The following ECRG4 variants were observed in gnomAD, a reference collection of about 807,000 sequenced individuals.
ECRG4 encodes the protein augurin.
Under a neutral mutation model 15.8 loss-of-function variants are expected in ECRG4, and 18 were observed. The ratio of observed to expected loss-of-function variants is 1.14; its 90% CI spans 0.79 to 1.69. The LOEUF is 1.69. ECRG4 is among the 40% of genes most tolerant of loss of function. ECRG4 has a pLI of 0.00. For missense variants in ECRG4, 200 were observed against 190.9 expected, an observed-to-expected ratio of 1.05 and a Z score of -0.28; for synonymous variants, 82 against 73.9, an observed-to-expected ratio of 1.11 and a Z score of -0.56.
intron 1 of ECRG4, among the ~76,000 whole-genome samples, chr2:106,067,139 TA>T (rs1676244086): frequency 7.7e-6 from 1 of 129,156 alleles, no homozygotes; most frequent in South Asian, 2.5e-4. Context: ...CCGTCTCTAC[TA>T]AAAATGCCAG....
intron 3 of ECRG4, 79 bp downstream of exon 3, chr2:106,074,122 A>G (rs897481521): frequency 2.6e-6 from 4 of 1,546,394 alleles, no homozygotes; most frequent in East Asian, 4.5e-5. Flanking sequence ...GGGAAATAGG[A>G]AGCAGAAAAT....
intron 2 of ECRG4, 63 bp from the exon 3 acceptor site, chr2:106,073,823 T>G (rs1676422116): frequency 9.4e-6 from 15 of 1,589,648 alleles, no homozygotes; most frequent in Non-Finnish European, 1.0e-5. Flanking sequence ...TAACAGGGAT[T>G]CACCGCAAGT....
intron 3 of ECRG4, 151 bp from the exon 4 acceptor site, chr2:106,077,614 C>T (rs903956265): frequency 9.5e-5 from 64 of 675,016 alleles, no homozygotes; most frequent in Non-Finnish European, 1.4e-4. Context: ...GTTTTGGCCT[C>T]TGAGCACAAG....
intron 1 of ECRG4, among the ~76,000 whole-genome samples, chr2:106,068,849 T>A (rs576309004): frequency 6.6e-6 from 1 of 152,350 alleles, no homozygotes; most frequent in African/African-American, 2.4e-5. Context: ...AGTAGAGCGT[T>A]AAACAGTAGT....
chr2:106,076,233 G>T (rs557795475), intron 3 of ECRG4, among the ~76,000 whole-genome samples: 1 of 152,166 alleles, frequency 6.6e-6, no homozygotes, highest in East Asian at 1.9e-4. Context: ...CAGGAGAACC[G>T]CTTGAACCTG....
intron 1 of ECRG4, 82 bp downstream of exon 1, chr2:106,065,925 C>T: frequency 7.9e-7 from 1 of 1,261,008 alleles, no homozygotes. Flanking sequence ...CCGGGGAGAG[C>T]GATCGGTGAT....
chr2:106,070,632 T>C (rs190828180), intron 1 of ECRG4, among the ~76,000 whole-genome samples: 3 of 152,334 alleles, frequency 2.0e-5, no homozygotes, highest in East Asian at 1.9e-4. Context: ...ATTTATTTTT[T>C]CCCCCAGCTT....
chr2:106,068,068 C>A (rs1204862210), intron 1 of ECRG4, among the ~76,000 whole-genome samples: 1 of 151,588 alleles, frequency 6.6e-6, no homozygotes, highest in African/African-American at 2.4e-5. Context: ...TGGTCTCGAA[C>A]TCCTGGGCTC....
At chr2:106,070,255 C>A (rs1338267779) in intron 1 of ECRG4, among the ~76,000 whole-genome samples, 1 of 152,180 alleles carries the variant, frequency 6.6e-6, no homozygotes, top group Non-Finnish European at 1.5e-5. Context: ...GTGTGGCCAC[C>A]CTACCCGTGA....
rs1000176925 is a variant in ECRG4, at chr2:106,067,232, C to T, written c.79+1389C>T. 5.3e-5 allele frequency among the ~76,000 whole-genome samples: 8 copies of T among 151,792 alleles called. No homozygotes were observed. The East Asian group carries it at 5.9e-4, about 11-fold the overall frequency. On this transcript the variant is annotated intron_variant, in intron 1 of 3. Coordinates refer to ENST00000238044, the MANE Select transcript of ECRG4 (RefSeq NM_032411.3). ...GCTTGAATCTGGGAGGAGGAGATTG[C>T]GGCGAGCTGAGATCGTGCCATTGCA...
chr2:106,069,283 CTCTT>C (rs1489623745), intron 1 of ECRG4, among the ~76,000 whole-genome samples: 2 of 105,782 alleles, frequency 1.9e-5, no homozygotes, highest in East Asian at 2.4e-4. Context: ...CTTTCTTTTT[CTCTT>C]TCTTTCTTTC....
intron 1 of ECRG4, among the ~76,000 whole-genome samples, chr2:106,067,384 G>C (rs1676249557): frequency 6.6e-6 from 1 of 152,158 alleles, no homozygotes; most frequent in Admixed American, 6.5e-5. Context: ...TTTATTTTCA[G>C]GACTTGTATT....
rs1676194056 is a variant in ECRG4 at position 106,065,710 on chromosome 2, T to C, written c.-55T>C. The C allele has an allele frequency of 1.5e-6, 2 of 1,367,338 alleles. No homozygotes were observed. Among genetic ancestry groups the C allele is most frequent in the Non-Finnish European group, 1.9e-6 (2 of 1,038,830 alleles). The allele number at this position is 1,367,338 out of a possible 1,614,324, so 84.7% of individuals were successfully genotyped here. On this transcript the variant is annotated 5_prime_UTR_variant, in exon 1 of 4. Transcript: ENST00000238044. ...CGCACCCCTCTCCCGCGCCCGGTTCTCCCTCGCAGCACCTCGAAGTGCGCC... is the reference window on the plus strand; with the variant it reads ...CGCACCCCTCTCCCGCGCCCGGTTCCCCCTCGCAGCACCTCGAAGTGCGCC...
chr2:106,072,295 T>C lies in ECRG4; in HGVS notation c.127+404T>C, dbSNP rs145643414. On this transcript the variant is annotated intron_variant, in intron 2 of 3. Coordinates refer to ENST00000238044, the MANE Select transcript of ECRG4 (RefSeq NM_032411.3). Reference sequence around the variant, plus strand: ...TATCCAAAGAGCTCTTGGGGAAGGGTTTCAAACAGGAAAGCCTTTCTTGTT... The same window carrying C: ...TATCCAAAGAGCTCTTGGGGAAGGGCTTCAAACAGGAAAGCCTTTCTTGTT... 1.2e-3 allele frequency: 205 copies of C among 166,814 alleles called. No homozygotes were observed. In the Middle Eastern group the frequency reaches 0.027, roughly 22 times the overall value. 10.3% of individuals were successfully genotyped at this position (166,814 alleles called of 1,614,324 possible).
rs148045777 is a variant in ECRG4 at position 106,069,981 on chromosome 2, C to T, written c.80-1863C>T. 2.4e-3 allele frequency among the ~76,000 whole-genome samples: 362 copies of T among 152,326 alleles called. 2 individuals carry two copies. Among genetic ancestry groups the T allele is most frequent in the African/African-American group, 8.0e-3 (331 of 41,564 alleles). On this transcript the variant is annotated intron_variant, in intron 1 of 3. Transcript: ENST00000238044. ...CTCTCCCACAGGCTGCTATGCACTA[C>T]GCCGATATCTTAGCTGGCCACCCAG...
intron 2 of ECRG4, 59 bp from the exon 3 acceptor site, chr2:106,073,827 C>T (rs1053524251): frequency 3.1e-6 from 5 of 1,594,734 alleles, no homozygotes; most frequent in East Asian, 2.2e-5. Flanking sequence ...AGGGATTCAC[C>T]GCAAGTGAGG....
At chr2:106,072,164 A>G (rs1043308447) in intron 2 of ECRG4, 1 of 340,336 alleles carries the variant, frequency 2.9e-6, no homozygotes, top group Non-Finnish European at 5.3e-6. Context: ...TGTTAATTGC[A>G]TGCTATTTAT....
At chr2:106,072,097 G>T (rs1327614959) in intron 2 of ECRG4, 2 of 510,620 alleles carry the variant, frequency 3.9e-6, no homozygotes, top group East Asian at 6.1e-5. Context: ...ATGTCTGAAG[G>T]TTATTTTTCT....
upstream of ECRG4, chr2:106,065,576 C>G (rs1205885869): frequency 1.7e-5 from 7 of 417,232 alleles, 1 homozygote; most frequent in Middle Eastern, 1.3e-3. Flanking sequence ...GGTACTCGCC[C>G]GTGCGCTGGG....
Sources: gnomAD v4.1 joint callset for allele counts (sites outside exome capture counted in the v4.1 genomes callset) on GRCh38, gnomAD v4.1.1 for gene constraint, MANE v1.5 for transcripts, NCBI Gene and HGNC (gene_info 2026-07-23, HGNC 2026-07-21) for gene names.